ZNF138: variants seen among roughly 807,000 people sequenced by gnomAD.
ZNF138 encodes zinc finger protein 138 (clone pHZ-32).
A neutral mutation model predicts 33.0 loss-of-function variants in ZNF138; 33 were observed. That is an observed-to-expected ratio of 1.00 (90% CI 0.76 to 1.34). ZNF138 has a LOEUF of 1.34. ZNF138 is among the 40% of genes most tolerant of loss of function. The probability of loss-of-function intolerance (pLI) is 0.00; values close to 1 mark genes in which losing one functional copy is unlikely to be tolerated. For synonymous variants in ZNF138, 139 were observed against 120.4 expected, an observed-to-expected ratio of 1.15 and a Z score of -1.01; for missense variants, 360 against 370.8, an observed-to-expected ratio of 0.97 and a Z score of 0.24.
chr7:64,848,534 A>G, the ZNF138 span, among the ~76,000 whole-genome samples: 1 of 151,744 alleles, frequency 6.6e-6, no homozygotes, highest in Non-Finnish European at 1.5e-5. Context: ...ATTTCACTGA[A>G]GATTTCTCCC....
the ZNF138 span, among the ~76,000 whole-genome samples, chr7:64,847,609 C>T: frequency 0.034 from 5,230 of 151,926 alleles, 292 homozygotes; most frequent in African/African-American, 0.12. Flanking sequence ...TATAATGTCC[C>T]TCTTTGTCTT....
rs994325635 is a variant in ZNF138 at position 64,833,217 on chromosome 7, A to G, written c.*1015A>G. 1 of 226,810 alleles carries G rather than the reference A, an allele frequency of 4.4e-6. No individual in the cohort carries two copies. Among genetic ancestry groups the G allele is most frequent in the Admixed American group, 4.9e-5 (1 of 20,234 alleles). 14.0% of individuals were successfully genotyped at this position (226,810 alleles called of 1,614,324 possible). A position where few individuals can be genotyped will look rare whatever the true frequency, so the allele number is the denominator to read the frequency against. Reference sequence around the variant, plus strand: ...AACAAGTCTTCAACCCTTTCTGCACATAATATAATTCATACTGGAGAGAAA... The same window carrying G: ...AACAAGTCTTCAACCCTTTCTGCACGTAATATAATTCATACTGGAGAGAAA... On this transcript the variant is annotated 3_prime_UTR_variant, in exon 4 of 4. Coordinates refer to ENST00000307355, the MANE Select transcript of ZNF138 (RefSeq NM_001271639.2).
chr7:64,860,678 CT>C, the ZNF138 span, among the ~76,000 whole-genome samples: 1 of 152,184 alleles, frequency 6.6e-6, no homozygotes, highest in East Asian at 1.9e-4. Context: ...GGTTTTGGGC[CT>C]AATATATGTC....
intron 1 of ZNF138, among the ~76,000 whole-genome samples, chr7:64,798,907 C>CTTT (rs34358558): frequency 7.7e-6 from 1 of 130,178 alleles, no homozygotes; most frequent in South Asian, 2.4e-4. Context: ...TTCTATGAGC[C>CTTT]TTTTTTTTTT....
chr7:64,829,167 T>C (rs4718126), intron 3 of ZNF138, among the ~76,000 whole-genome samples: 150,060 of 152,262 alleles, frequency 0.99, 73,983 homozygotes, highest in East Asian at 1. Context: ...GAGGAGAGTG[T>C]GTATCATTAA....
chr7:64,794,659 C>A, intron 1 of ZNF138, 88 bp downstream of exon 1: 2 of 1,589,942 alleles, frequency 1.3e-6, no homozygotes, highest in South Asian at 1.1e-5. Context: ...CTCGGGTCTT[C>A]CCGCAGTCGG....
the ZNF138 span, among the ~76,000 whole-genome samples, chr7:64,841,563 AT>A: frequency 6.6e-6 from 1 of 152,228 alleles, no homozygotes; most frequent in African/African-American, 2.4e-5. Context: ...GGAGATAACA[AT>A]TGTTTTCATG....
At chr7:64,853,114 C>T in the ZNF138 span, 3 of 1,433,974 alleles carry the variant, frequency 2.1e-6, no homozygotes, top group Non-Finnish European at 2.0e-6. Context: ...TAGTTTGAAC[C>T]AAGGAAAGCC....
intron 3 of ZNF138, among the ~76,000 whole-genome samples, chr7:64,830,717 A>G (rs990930172): frequency 1.4e-4 from 22 of 152,140 alleles, no homozygotes; most frequent in African/African-American, 5.1e-4. Flanking sequence ...GTAATCTTCA[A>G]TTGAAATTTG....
Position 64,832,264 on chromosome 7 carries a change from G to A in ZNF138, c.*62G>A. 2 of 1,600,560 alleles carry A rather than the reference G, an allele frequency of 1.2e-6. No individual in the cohort carries two copies. Among genetic ancestry groups the A allele is most frequent in the African/African-American group, 1.3e-5 (1 of 74,424 alleles). On this transcript the variant is annotated 3_prime_UTR_variant, in exon 4 of 4. Coordinates refer to ENST00000307355, the MANE Select transcript of ZNF138 (RefSeq NM_001271639.2). ...AAAGCCTACAAATGTGAAGAATGTG[G>A]CAAAGCCTTTAACCAGTTTTCAACC...
the ZNF138 span, chr7:64,852,727 C>G: frequency 4.9e-6 from 5 of 1,028,860 alleles, no homozygotes; most frequent in African/African-American, 7.9e-5. Context: ...GCCACTGATG[C>G]ACAGCCACTG....
the ZNF138 span, among the ~76,000 whole-genome samples, chr7:64,850,490 T>G: frequency 6.6e-6 from 1 of 152,328 alleles, no homozygotes; most frequent in South Asian, 2.1e-4. Context: ...GAAAAGGGGT[T>G]TTTAAATTTC....
At chr7:64,805,286 C>T (rs1787485747) in intron 1 of ZNF138, among the ~76,000 whole-genome samples, 1 of 152,048 alleles carries the variant, frequency 6.6e-6, no homozygotes, top group Admixed American at 6.5e-5. Flanking sequence ...GTAATCTCAG[C>T]TACTCAGGAG....
intron 3 of ZNF138, among the ~76,000 whole-genome samples, chr7:64,830,563 T>G (rs1297496035): frequency 6.6e-6 from 1 of 152,118 alleles, no homozygotes; most frequent in Non-Finnish European, 1.5e-5. Flanking sequence ...CATCAGGTCA[T>G]CTCCCCACCT....
chr7:64,833,948 A>T (rs1053455059), downstream of ZNF138, among the ~76,000 whole-genome samples: 2 of 152,048 alleles, frequency 1.3e-5, no homozygotes, highest in East Asian at 3.9e-4. Context: ...CTCATCTCGA[A>T]CTCCTGACTT....
intron 3 of ZNF138, among the ~76,000 whole-genome samples, chr7:64,827,667 G>T (rs1044710118): frequency 2.0e-5 from 3 of 151,810 alleles, no homozygotes; most frequent in Non-Finnish European, 4.4e-5. Flanking sequence ...TCAAAATTTG[G>T]AAAGTTTTCA....
intron 3 of ZNF138, among the ~76,000 whole-genome samples, chr7:64,817,515 A>C (rs953487862): frequency 1.3e-5 from 2 of 150,980 alleles, no homozygotes; most frequent in Non-Finnish European, 3.0e-5. Flanking sequence ...TCTCTTAAAA[A>C]CACTTATTTT....
chr7:64,852,604 C>T, the ZNF138 span: 2 of 1,518,288 alleles, frequency 1.3e-6, no homozygotes, highest in Non-Finnish European at 1.8e-6. Context: ...AGATCAGAAG[C>T]CCGCCTGTCC....
At chr7:64,804,088 A>G (rs1008923358) in intron 1 of ZNF138, among the ~76,000 whole-genome samples, 32 of 152,256 alleles carry the variant, frequency 2.1e-4, no homozygotes, top group African/African-American at 7.5e-4. Context: ...AAGGGAGGAG[A>G]CCACCCCTCA....
Sources: gnomAD v4.1 joint callset for allele counts (sites outside exome capture counted in the v4.1 genomes callset) on GRCh38, gnomAD v4.1.1 for gene constraint, MANE v1.5 for transcripts, NCBI Gene and HGNC (gene_info 2026-07-23, HGNC 2026-07-21) for gene names.